The following CCDC57 variants were observed in gnomAD, a reference collection of about 807,000 sequenced individuals.
CCDC57 encodes the protein coiled-coil domain-containing protein 57.
A neutral mutation model predicts 118.9 loss-of-function variants in CCDC57; 118 were observed. That is an observed-to-expected ratio of 0.99 (90% CI 0.86 to 1.16). CCDC57 has a LOEUF of 1.16. Ranked by LOEUF, CCDC57 falls within the 50% of genes most tolerant of loss-of-function variation. The probability of loss-of-function intolerance (pLI) is 0.00; values close to 1 mark genes in which losing one functional copy is unlikely to be tolerated. For missense variants in CCDC57, 1,300 were observed against 1,320.7 expected (o/e 0.98, Z 0.24); for synonymous variants, 527 against 532.9 (o/e 0.99, Z 0.15).
chr17:82,151,708 T>A, exon 16 of CCDC57: 1 of 1,550,392 alleles, frequency 6.4e-7, no homozygotes, highest in Non-Finnish European at 8.7e-7. Flanking sequence ...CACGTGCCAC[T>A]GACCGGAGGT....
intron 2 of CCDC57, among the ~76,000 whole-genome samples, chr17:82,206,384 A>G (rs957354972): frequency 3.3e-5 from 5 of 152,232 alleles, no homozygotes; most frequent in African/African-American, 1.2e-4. Context: ...GTCAGGCCTC[A>G]GGAAACAGAA....
intron 19 of CCDC57, among the ~76,000 whole-genome samples, chr17:82,108,201 T>A (rs1011423717): frequency 3.2e-4 from 48 of 152,276 alleles, no homozygotes; most frequent in African/African-American, 1.1e-3. Context: ...CAGAGACGAG[T>A]GACCTGCGGC....
chr17:82,179,249 G>A (rs1779598847), intron 9 of CCDC57, 60 bp from the exon 9 acceptor site: 3 of 1,552,730 alleles, frequency 1.9e-6, no homozygotes, highest in Middle Eastern at 3.5e-4. Flanking sequence ...CACAGGAAAA[G>A]CAGAGGCACG....
In CCDC57 at chr17:82,151,756, C is replaced by A. The variant is rs763672587; in HGVS notation, c.2259G>T (p.Gly753=). 5.8e-6 allele frequency: 9 copies of A among 1,550,128 alleles called. No homozygotes were observed. In the South Asian group the frequency reaches 7.1e-5, roughly 12 times the overall value. ...CCCCCTGGTCCTCGGCCTCCATAGG[C>A]CCTCTCTTGGTGAGGCCCTGTAACA... The change falls in exon 16 of 20, where the codon GGG becomes GGT. Residue 753 remains glycine (G), a synonymous_variant. Coordinates refer to ENST00000665763, the Ensembl canonical transcript of CCDC57.
chr17:82,198,415 T>C, exon 4 of CCDC57: 1 of 1,599,220 alleles, frequency 6.3e-7, no homozygotes, highest in Non-Finnish European at 8.6e-7. Flanking sequence ...ATCTCACCAT[T>C]CTTGTCACTA....
At chr17:82,174,075 G>A (rs1015221084) in intron 11 of CCDC57, among the ~76,000 whole-genome samples, 7 of 152,238 alleles carry the variant, frequency 4.6e-5, no homozygotes, top group Non-Finnish European at 7.3e-5. Context: ...TCAACCTTGA[G>A]TCCAGCCAAG....
intron 13 of CCDC57, among the ~76,000 whole-genome samples, chr17:82,171,353 G>A (rs187434701): frequency 4.7e-5 from 7 of 147,926 alleles, no homozygotes; most frequent in African/African-American, 1.8e-4. Context: ...ACCAAAACAG[G>A]GAGGGCTGAC....
exon 14 of CCDC57, chr17:82,163,276 G>A (rs760897395): frequency 1.2e-6 from 2 of 1,613,946 alleles, no homozygotes; most frequent in East Asian, 2.2e-5. Flanking sequence ...CAGTCCAGAG[G>A]ATACTGGGCC....
chr17:82,134,655 G>C (rs892587998), intron 16 of CCDC57, among the ~76,000 whole-genome samples: 3 of 152,088 alleles, frequency 2.0e-5, no homozygotes, highest in Non-Finnish European at 2.9e-5. Flanking sequence ...TTAGCTGGGC[G>C]TGGTGGTGGG....
intron 19 of CCDC57, chr17:82,107,558 C>T (rs761520233): frequency 2.3e-5 from 11 of 470,920 alleles, no homozygotes; most frequent in East Asian, 1.4e-4. Flanking sequence ...CTGGACCTGG[C>T]GCTCGGCACA....
At chr17:82,154,075 T>A (rs892921869) in intron 15 of CCDC57, 11 of 152,352 alleles carry the variant, frequency 7.2e-5, no homozygotes, top group African/African-American at 2.7e-4. Flanking sequence ...CCCAGGGATG[T>A]AACACATCCC....
At chr17:82,129,627 G>A (rs750169454) in intron 17 of CCDC57, among the ~76,000 whole-genome samples, 11 of 152,144 alleles carry the variant, frequency 7.2e-5, no homozygotes, top group South Asian at 2.1e-4. Flanking sequence ...ACTGCCCCCC[G>A]GGCTTCGTCC....
At chr17:82,133,300 G>C (rs8065556) in intron 17 of CCDC57, among the ~76,000 whole-genome samples, 70,836 of 151,414 alleles carry the variant, frequency 0.47, 17,424 homozygotes, top group East Asian at 0.88. Context: ...CTTGAGCCTA[G>C]GAAGCCGAGG....
At chr17:82,171,986 A>G (rs1263967691) in intron 12 of CCDC57, 133 bp from the exon 12 acceptor site, 1 of 891,032 alleles carries the variant, frequency 1.1e-6, no homozygotes, top group African/African-American at 1.7e-5. Flanking sequence ...TCCTCACACT[A>G]CAGCTTCACC....
chr17:82,160,098 G>T (rs1420488852), intron 14 of CCDC57: 1 of 152,300 alleles, frequency 6.6e-6, no homozygotes, highest in African/African-American at 2.4e-5. Context: ...CTAGAGAGAT[G>T]TTCTGCGTTA....
chr17:82,119,485 C>T (rs1007962374), intron 19 of CCDC57, among the ~76,000 whole-genome samples: 1 of 151,876 alleles, frequency 6.6e-6, no homozygotes, highest in African/African-American at 2.4e-5. Context: ...CATGCCCCTG[C>T]CCTCCGAGAC....
chr17:82,168,512 C>T (rs1017292511), intron 13 of CCDC57, among the ~76,000 whole-genome samples: 4 of 152,124 alleles, frequency 2.6e-5, no homozygotes, highest in African/African-American at 7.2e-5. Flanking sequence ...GCATGAGAAT[C>T]GCTCGAACCC....
At chr17:82,185,327 A>T (rs983231264) in intron 8 of CCDC57, among the ~76,000 whole-genome samples, 1 of 152,136 alleles carries the variant, frequency 6.6e-6, no homozygotes, top group African/African-American at 2.4e-5. Flanking sequence ...TGGTTAAAAT[A>T]AAAAAGAAGG....
chr17:82,126,950 C>CTTG (rs2037525024), intron 19 of CCDC57: 1 of 985,278 alleles, frequency 1.0e-6, no homozygotes, highest in Non-Finnish European at 1.2e-6. Context: ...GCTCCCGCCC[C>CTTG]AACCACATCA....
Sources: allele counts gnomAD v4.1 joint callset (sites outside exome capture counted in the v4.1 genomes callset), GRCh38; gene constraint gnomAD v4.1.1; transcripts MANE v1.5; gene names NCBI Gene and HGNC (gene_info 2026-07-23, HGNC 2026-07-21).